The following CWH43 variants were observed in gnomAD, a reference collection of about 807,000 sequenced individuals.
The protein encoded by CWH43 is cell wall biogenesis 43 C-terminal homolog, also known as PGAP2-interacting protein.
Under a neutral mutation model 85.7 loss-of-function variants are expected in CWH43, and 91 were observed. That is an observed-to-expected ratio of 1.06 (90% CI 0.90 to 1.26). The LOEUF is 1.26. CWH43 is among the 50% of genes most tolerant of loss of function. The pLI is 0.00. For synonymous variants in CWH43, 323 were observed against 293.6 expected (o/e 1.10, Z -1.02); for missense variants, 869 against 839.2 (o/e 1.04, Z -0.44).
intron 5 of CWH43, among the ~76,000 whole-genome samples, chr4:48,996,122 C>A (rs948082652): frequency 2.6e-5 from 4 of 152,174 alleles, no homozygotes; most frequent in Non-Finnish European, 4.4e-5. Context: ...TCCTGTCCCC[C>A]CTCTGCCTGG....
Position 49,028,702 on chromosome 4 carries a change from T to C in CWH43, c.1340T>C (p.Leu447Pro), listed in dbSNP as rs760774319. 3.7e-6 allele frequency: 6 copies of C among 1,613,286 alleles called. No homozygotes were observed. Among genetic ancestry groups the C allele is most frequent in the Non-Finnish European group, 5.1e-6 (6 of 1,179,416 alleles). The change falls in exon 10 of 16, where the codon CTA becomes CCA. Residue 447 changes from leucine to proline, a missense_variant. Physicochemically the swap from Leu to Pro is moderately conservative, Grantham distance 98. Around this residue, in one of 3 missense-constraint regions of CWH43, gnomAD observed 577 missense variants for 513.1 expected, o/e 1.12. Coordinates refer to ENST00000226432, the MANE Select transcript of CWH43 (RefSeq NM_025087.3). ...TATGACAATGAAGGGTGGTCTAGTC[T>C]AGAAAGATCAGCTCACCTGCTCAAT... is the stretch of plus-strand genomic sequence containing the variant. ...FGYDNEGWSS[L>P]ERSAHLLNET...
At chr4:49,061,102 A>G (rs995536023) in intron 15 of CWH43, among the ~76,000 whole-genome samples, 3 of 152,184 alleles carry the variant, frequency 2.0e-5, no homozygotes, top group Non-Finnish European at 4.4e-5. Flanking sequence ...TTATTATTAT[A>G]AAAAGTCTTC....
chr4:49,005,499 A>G (rs1032137818), intron 7 of CWH43, among the ~76,000 whole-genome samples: 1 of 152,024 alleles, frequency 6.6e-6, no homozygotes, highest in African/African-American at 2.4e-5. Context: ...TTAAGAAATT[A>G]CAGTTGTGTG....
At chr4:49,050,289 C>G (rs1276024551) in intron 14 of CWH43, among the ~76,000 whole-genome samples, 1 of 152,096 alleles carries the variant, frequency 6.6e-6, no homozygotes, top group Non-Finnish European at 1.5e-5. Context: ...TGATTTCAGA[C>G]TTGAAAGTAG....
chr4:49,042,118 A>G (rs184238966), intron 13 of CWH43, among the ~76,000 whole-genome samples: 38 of 152,224 alleles, frequency 2.5e-4, no homozygotes, highest in African/African-American at 7.7e-4. Flanking sequence ...CTCAATGGGG[A>G]TAGTTCATGT....
At chr4:49,059,499 T>C (rs1785071720) in intron 15 of CWH43, among the ~76,000 whole-genome samples, 1 of 152,244 alleles carries the variant, frequency 6.6e-6, no homozygotes, top group Non-Finnish European at 1.5e-5. Context: ...TAGTATCATG[T>C]TTCCTTGATT....
In CWH43 at chr4:49,007,204, C is replaced by T. The variant is rs1783186816; in HGVS notation, c.1064C>T (p.Thr355Ile). ...ARERSDVLLG[T>I]MMLIIGLNML... ...TTCTTTCTTTCTCTTATAACAGGGA[C>T]AATGATGTTAATTATCGGGCTGAAT... is the stretch of plus-strand genomic sequence containing the variant. The change falls in exon 8 of 16, where the codon ACA (threonine) becomes ATA (isoleucine). Residue 355 changes from threonine to isoleucine, a missense_variant. Around this residue, in one of 3 missense-constraint regions of CWH43, gnomAD observed 577 missense variants for 513.1 expected, o/e 1.12. Transcript: ENST00000226432. The T allele has an allele frequency of 1.2e-6, 2 of 1,606,638 alleles. No homozygotes were observed. The highest frequency in any genetic ancestry group is 1.7e-6 in the Non-Finnish European group (2 of 1,177,466).
chr4:48,994,094 T>C (rs749785614), intron 4 of CWH43, among the ~76,000 whole-genome samples: 2 of 152,074 alleles, frequency 1.3e-5, no homozygotes, highest in Admixed American at 6.6e-5. Context: ...GGATTAATAG[T>C]AGAGCCTACC....
At chr4:48,986,653 C>T in intron 1 of CWH43, 181 bp downstream of exon 1, 1 of 1,392,636 alleles carries the variant, frequency 7.2e-7, no homozygotes, top group South Asian at 1.6e-5. Flanking sequence ...AAGGAAAAGA[C>T]CTAGATTGAA....
At position 49,041,203 on chromosome 4, in the gene CWH43, C is replaced by G. The variant is rs1254668320; in HGVS notation, c.1803+3023C>G. On this transcript the variant is annotated intron_variant, in intron 13 of 15. Coordinates refer to ENST00000226432, the MANE Select transcript of CWH43 (RefSeq NM_025087.3). ...GATGCTTCCAGCTTTGTTCTTTTGG[C>G]TTAGGATTGACTTGGCAATGCGGGC... 3.3e-5 allele frequency among the ~76,000 whole-genome samples: 5 copies of G among 152,134 alleles called. No homozygotes were observed. The East Asian group carries it at 9.6e-4, about 29-fold the overall frequency.
At chr4:49,058,281 C>T (rs1263826707) in intron 15 of CWH43, among the ~76,000 whole-genome samples, 1 of 151,970 alleles carries the variant, frequency 6.6e-6, no homozygotes, top group Non-Finnish European at 1.5e-5. Flanking sequence ...TTTGTAGATA[C>T]TATGAGTCTT....
chr4:49,016,652 G>T (rs1409037282), intron 8 of CWH43: 4 of 756,256 alleles, frequency 5.3e-6, no homozygotes, highest in African/African-American at 3.4e-5. Context: ...AGCATGTGCA[G>T]GGGAGGGGCA....
At chr4:49,048,674 T>C (rs1329236394) in intron 14 of CWH43, among the ~76,000 whole-genome samples, 2 of 152,026 alleles carry the variant, frequency 1.3e-5, no homozygotes, top group Non-Finnish European at 2.9e-5. Context: ...TGGTGTCTCT[T>C]CTTATAAAGC....
intron 8 of CWH43, 181 bp from the exon 9 acceptor site, chr4:49,017,068 C>T (rs1046729508): frequency 3.5e-5 from 26 of 735,278 alleles, no homozygotes; most frequent in Middle Eastern, 3.3e-4. Context: ...ACCTTGGTCA[C>T]GTTCAGTGTC....
chr4:49,001,802 T>C (rs1249069336), intron 6 of CWH43, among the ~76,000 whole-genome samples: 1 of 152,196 alleles, frequency 6.6e-6, no homozygotes, highest in Non-Finnish European at 1.5e-5. Flanking sequence ...GAGAACAATA[T>C]TATTCTAACG....
chr4:48,989,008 T>A (rs1345882239), intron 2 of CWH43, among the ~76,000 whole-genome samples: 2 of 152,300 alleles, frequency 1.3e-5, no homozygotes, highest in East Asian at 3.9e-4. Context: ...GTTTGTTAAA[T>A]AATAATTCAC....
intron 12 of CWH43, among the ~76,000 whole-genome samples, chr4:49,033,601 A>G (rs1577692743): frequency 6.6e-6 from 1 of 152,350 alleles, no homozygotes; most frequent in East Asian, 1.9e-4. Flanking sequence ...GAATGGGGAG[A>G]GAGGCCAGTG....
At chr4:48,998,590 GTTATCCAGT>G (rs1437349799) in intron 6 of CWH43, 42 bp downstream of exon 6, 14 of 1,424,634 alleles carry the variant, frequency 9.8e-6, no homozygotes, top group African/African-American at 4.2e-5. Context: ...ACTGAGCTTG[GTTATCCAGT>G]TTGTTTGCAA....
At chr4:49,044,686 A>T in intron 13 of CWH43, 100 bp from the exon 14 acceptor site, 1 of 867,522 alleles carries the variant, frequency 1.2e-6, no homozygotes, top group Non-Finnish European at 1.9e-6. Flanking sequence ...AACAGCATGT[A>T]CAAAGAGATA....
Sources: allele counts gnomAD v4.1 joint callset (sites outside exome capture counted in the v4.1 genomes callset), GRCh38; gene constraint gnomAD v4.1.1; regional missense constraint gnomAD v4.1.1; transcripts MANE v1.5; gene names NCBI Gene and HGNC (gene_info 2026-07-23, HGNC 2026-07-21).